Variants in CREB1 observed in about 807,000 individuals in gnomAD.
CREB1 encodes the protein cAMP responsive element binding protein 1.
Under a neutral mutation model 42.0 loss-of-function variants are expected in CREB1, and 2 were observed. The ratio of observed to expected loss-of-function variants is 0.05; its 90% confidence interval spans 0.02 to 0.15. The LOEUF is 0.15. Among genes scored for constraint, CREB1 ranks in the 10% least tolerant of loss-of-function variants. The pLI, the probability that CREB1 is intolerant of heterozygous loss-of-function variation, is 1.00. For missense variants in CREB1, 199 were observed against 388.9 expected (o/e 0.51, Z 4.11); for synonymous variants, 123 against 139.9 (o/e 0.88, Z 0.85).
At chr2:207,563,113 G>T in intron 3 of CREB1, among the ~76,000 whole-genome samples, 1 of 152,124 alleles carries the variant, frequency 6.6e-6, no homozygotes, top group East Asian at 1.9e-4. Context: ...AATGTGCTCA[G>T]GGAACACAGC....
intron 1 of CREB1, among the ~76,000 whole-genome samples, chr2:207,547,233 A>G (rs966028322): frequency 5.9e-5 from 9 of 152,266 alleles, no homozygotes; most frequent in African/African-American, 2.2e-4. Flanking sequence ...GTTACTTCAT[A>G]AACTTATTTA....
In CREB1 at chr2:207,602,072, G is replaced by C. The variant is rs1343401168; in HGVS notation, c.*5014G>C. 3 of 205,380 alleles carry C rather than the reference G, an allele frequency of 1.5e-5. No individual in the cohort carries two copies. Among genetic ancestry groups the C allele is most frequent in the Non-Finnish European group, 3.0e-5 (3 of 100,574 alleles). The allele number at this position is 205,380 out of a possible 1,614,324, so 12.7% of individuals were successfully genotyped here. On this transcript the variant is annotated 3_prime_UTR_variant, in exon 8 of 8. Transcript: ENST00000353267. ...TAAACAGGGTGCTGAAGTTCCATCT[G>C]TCTCATCTGCTTATGATAAGTTCTT... is the stretch of plus-strand genomic sequence containing the variant.
chr2:207,560,596 G>A (rs996916480), intron 3 of CREB1, among the ~76,000 whole-genome samples: 4 of 152,142 alleles, frequency 2.6e-5, no homozygotes, highest in African/African-American at 9.7e-5. Flanking sequence ...AGAGGAAAAA[G>A]AATTGATTGG....
In CREB1 at chr2:207,604,744, C is replaced by T. The variant is rs766977918; in HGVS notation, c.*7686C>T. Among the ~76,000 whole-genome samples the T allele has an allele frequency of 3.3e-5, 5 of 152,208 alleles. No individual in the cohort carries two copies. Among genetic ancestry groups the T allele is most frequent in the African/African-American group, 4.8e-5 (2 of 41,444 alleles). ...AAGTCCCGTTACTCTCCATTTTCTC[C>T]TCCCACCGCCCTTGTCCCTGGCAAC... On this transcript the variant is annotated 3_prime_UTR_variant, in exon 8 of 8. Coordinates refer to ENST00000353267, the MANE Select transcript of CREB1 (RefSeq NM_004379.5).
At chr2:207,562,834 T>C (rs1037389897) in intron 3 of CREB1, among the ~76,000 whole-genome samples, 6 of 152,206 alleles carry the variant, frequency 3.9e-5, no homozygotes, top group African/African-American at 1.4e-4. Context: ...AGTTCTCTTG[T>C]TGTGAGAATA....
In CREB1 at chr2:207,600,366, T is replaced by A. The variant is rs1019830253; in HGVS notation, c.*3308T>A. On this transcript the variant is annotated 3_prime_UTR_variant, in exon 8 of 8. Transcript: ENST00000353267. ...AAATTTTACATTTTTGTGTGTTCTG[T>A]TGCATTCCTTCTGGTAGTTTCTATG... 10 of 187,736 alleles carry A rather than the reference T, an allele frequency of 5.3e-5. No individual in the cohort carries two copies. Among genetic ancestry groups the A allele is most frequent in the African/African-American group, 2.1e-4 (9 of 42,846 alleles). 11.6% of individuals were successfully genotyped at this position (187,736 alleles called of 1,614,324 possible). A position where few individuals can be genotyped will look rare whatever the true frequency, so the allele number is the denominator to read the frequency against.
chr2:207,576,928 A>C, intron 6 of CREB1: 1 of 880,796 alleles, frequency 1.1e-6, no homozygotes, highest in East Asian at 1.2e-4. Context: ...TTATTTAGCC[A>C]TTATCATTTA....
chr2:207,545,464 C>G (rs1376150012), intron 1 of CREB1, among the ~76,000 whole-genome samples: 1 of 152,158 alleles, frequency 6.6e-6, no homozygotes, highest in Non-Finnish European at 1.5e-5. Context: ...GCCTTGGCCT[C>G]CCAAAGTGCT....
At chr2:207,558,954 A>G (rs1398100407) in intron 2 of CREB1, among the ~76,000 whole-genome samples, 3 of 152,108 alleles carry the variant, frequency 2.0e-5, no homozygotes, top group Admixed American at 6.6e-5. Flanking sequence ...AAAGTGATCT[A>G]TCTAAAAGCA....
chr2:207,547,220 G>T (rs1314853160), intron 1 of CREB1, among the ~76,000 whole-genome samples: 1 of 152,150 alleles, frequency 6.6e-6, no homozygotes, highest in Non-Finnish European at 1.5e-5. Context: ...CAAAATAACA[G>T]ATGTTACTTC....
At chr2:207,551,427 A>T (rs915322551) in intron 1 of CREB1, among the ~76,000 whole-genome samples, 3 of 152,202 alleles carry the variant, frequency 2.0e-5, no homozygotes, top group African/African-American at 7.2e-5. Flanking sequence ...AACTCTAACG[A>T]CAGTTATGAC....
intron 1 of CREB1, among the ~76,000 whole-genome samples, chr2:207,555,038 C>T (rs889827531): frequency 2.6e-5 from 4 of 152,148 alleles, no homozygotes; most frequent in African/African-American, 9.7e-5. Flanking sequence ...GAACATGCTA[C>T]TGCACTCCAG....
chr2:207,600,286 T>C lies in CREB1; in HGVS notation c.*3228T>C. ...ATACATACAGTATATAATCTAAAGC[T>C]CTGAGAGCTCTTAAGTCAGGAATGC... On this transcript the variant is annotated 3_prime_UTR_variant, in exon 8 of 8. Transcript: ENST00000353267. 1.1e-5 allele frequency: 2 copies of C among 173,918 alleles called. No individual in the cohort carries two copies. Among genetic ancestry groups the C allele is most frequent in the Middle Eastern group, 2.3e-3 (1 of 440 alleles). 10.8% of individuals were successfully genotyped at this position (173,918 alleles called of 1,614,324 possible). A position where few individuals can be genotyped will look rare whatever the true frequency, so the allele number is the denominator to read the frequency against.
Position 207,599,380 on chromosome 2 carries a change from A to G in CREB1, c.*2322A>G, listed in dbSNP as rs2086673850. ...GAATGAAGTAAGTGTTATAAATGAA[A>G]AATTGCCTGATGTTTAGCAGTTTGT... is the stretch of plus-strand genomic sequence containing the variant. On this transcript the variant is annotated 3_prime_UTR_variant, in exon 8 of 8. Coordinates refer to ENST00000353267, the MANE Select transcript of CREB1 (RefSeq NM_004379.5). The G allele has an allele frequency of 4.8e-6, 1 of 207,230 alleles. No homozygotes were observed. Among genetic ancestry groups the G allele is most frequent in the Non-Finnish European group, 9.8e-6 (1 of 101,694 alleles). The allele number at this position is 207,230 out of a possible 1,614,324, so 12.8% of individuals were successfully genotyped here.
At chr2:207,560,977 TG>T in intron 3 of CREB1, 1 of 693,184 alleles carries the variant, frequency 1.4e-6, no homozygotes, top group Non-Finnish European at 2.5e-6. Flanking sequence ...TGTAGACCTT[TG>T]AAGGTGACTA....
intron 1 of CREB1, among the ~76,000 whole-genome samples, chr2:207,549,927 G>A (rs1034315355): frequency 8.6e-5 from 13 of 150,834 alleles, no homozygotes; most frequent in African/African-American, 3.2e-4. Flanking sequence ...CTGAGATTGT[G>A]CCACCACACT....
intron 3 of CREB1, among the ~76,000 whole-genome samples, chr2:207,565,311 ATAGGAAT>A (rs1426152779): frequency 6.6e-6 from 1 of 152,216 alleles, no homozygotes; most frequent in Non-Finnish European, 1.5e-5. Context: ...CAGGGACTCC[ATAGGAAT>A]TAGCTTCATG....
chr2:207,534,593 T>C (rs2080791574), intron 1 of CREB1: 2 of 152,236 alleles, frequency 1.3e-5, no homozygotes, highest in South Asian at 4.1e-4. Context: ...GTCTTATCTC[T>C]ACCCTCAGGA....
At chr2:207,576,756 TTAA>T in intron 6 of CREB1, 1 of 1,074,930 alleles carries the variant, frequency 9.3e-7, no homozygotes, top group Non-Finnish European at 1.1e-6. Flanking sequence ...ATATTAATAA[TTAA>T]TATGAATAAT....
Sources: gnomAD v4.1 joint callset for allele counts (sites outside exome capture counted in the v4.1 genomes callset) on GRCh38, gnomAD v4.1.1 for gene constraint, MANE v1.5 for transcripts, NCBI Gene and HGNC (gene_info 2026-07-23, HGNC 2026-07-21) for gene names.